FBRSL1: variants seen among roughly 807,000 people sequenced by gnomAD.
FBRSL1 encodes the protein fibrosin-1-like protein.
Under a neutral mutation model 89.6 loss-of-function variants are expected in FBRSL1, and 51 were observed. The ratio of observed to expected loss-of-function variants is 0.57; its 90% confidence interval spans 0.45 to 0.72. The LOEUF (loss-of-function observed/expected upper bound fraction) is 0.72. Among genes scored for constraint, FBRSL1 ranks in the 30% least tolerant of loss-of-function variants. FBRSL1 has a pLI of 0.00. For missense variants in FBRSL1, 1,618 were observed against 1,451.8 expected (o/e 1.11, Z -1.86); for synonymous variants, 779 against 681.1 (o/e 1.14, Z -2.24).
At chr12:132,576,196 C>CTTTTTTTTTTTTTTTTTTTT (rs916746441) in intron 14 of FBRSL1, among the ~76,000 whole-genome samples, 1 of 125,010 alleles carries the variant, frequency 8.0e-6, no homozygotes, top group Non-Finnish European at 1.7e-5. Context: ...TTTTCAGTTT[C>CTTTTTTTTTTTTTTTTTTTT]TTTTTTTTTT....
intron 1 of FBRSL1, among the ~76,000 whole-genome samples, chr12:132,500,448 C>T (rs1299765115): frequency 1.3e-5 from 2 of 152,158 alleles, no homozygotes; most frequent in Non-Finnish European, 1.5e-5. Flanking sequence ...CCCTCTCTGG[C>T]CTGGGCTCAT....
intron 15 of FBRSL1, chr12:132,580,945 T>C (rs766626164): frequency 9.5e-5 from 94 of 984,550 alleles, no homozygotes; most frequent in Non-Finnish European, 1.0e-4. Flanking sequence ...GACGTGGTGC[T>C]GTGGGCTGGG....
chr12:132,531,482 G>A (rs2036273507), intron 4 of FBRSL1, among the ~76,000 whole-genome samples: 1 of 152,116 alleles, frequency 6.6e-6, no homozygotes, highest in Admixed American at 6.5e-5. Flanking sequence ...CCGTGTGGTG[G>A]GCTGCATGGG....
chr12:132,517,017 C>T (rs1041531681), intron 2 of FBRSL1, among the ~76,000 whole-genome samples: 1 of 152,256 alleles, frequency 6.6e-6, no homozygotes, highest in Non-Finnish European at 1.5e-5. Context: ...CTCCCGCCTC[C>T]TGGGCCCAGC....
chr12:132,582,587 G>A (rs963396974), intron 18 of FBRSL1, among the ~76,000 whole-genome samples: 8 of 151,842 alleles, frequency 5.3e-5, no homozygotes, highest in African/African-American at 1.9e-4. Flanking sequence ...TGAGGAGGGT[G>A]AAGACCCCAC....
chr12:132,532,469 G>A (rs529938107), intron 4 of FBRSL1, among the ~76,000 whole-genome samples: 1 of 152,276 alleles, frequency 6.6e-6, no homozygotes, highest in East Asian at 1.9e-4. Flanking sequence ...TCTGCCCCCA[G>A]TAGCACCCAC....
chr12:132,561,305 C>T (rs2039104064), intron 5 of FBRSL1, among the ~76,000 whole-genome samples: 1 of 152,220 alleles, frequency 6.6e-6, no homozygotes, highest in Non-Finnish European at 1.5e-5. Flanking sequence ...TGCGGAAGAC[C>T]CTCCCCTTCC....
intron 1 of FBRSL1, among the ~76,000 whole-genome samples, chr12:132,503,374 G>C (rs887918343): frequency 1.3e-5 from 2 of 152,254 alleles, no homozygotes; most frequent in Non-Finnish European, 2.9e-5. Flanking sequence ...TGTCAGTGAG[G>C]CTTGCCGGGG....
Position 132,583,911 on chromosome 12 carries a change from G to C in FBRSL1, c.*133G>C, listed in dbSNP as rs1256969865. ...CTCCACCCGCAGCCTGCGGAGGCGG[G>C]GACTTGGGTGTCGGCTTTTCTGAGG... On this transcript the variant is annotated 3_prime_UTR_variant, in exon 19 of 19. Transcript: ENST00000680143. The C allele has an allele frequency of 2.7e-6, 1 of 364,428 alleles. No homozygotes were observed. Among genetic ancestry groups the C allele is most frequent in the Non-Finnish European group, 4.4e-6 (1 of 226,278 alleles). 22.6% of individuals were successfully genotyped at this position (364,428 alleles called of 1,614,324 possible).
intron 1 of FBRSL1, among the ~76,000 whole-genome samples, chr12:132,494,188 C>T (rs1422721371): frequency 6.6e-6 from 1 of 152,184 alleles, no homozygotes; most frequent in Admixed American, 6.5e-5. Flanking sequence ...GAACGTGGCT[C>T]TTGCTGTCCC....
chr12:132,518,639 C>T (rs985797270), intron 2 of FBRSL1, among the ~76,000 whole-genome samples: 1 of 151,474 alleles, frequency 6.6e-6, no homozygotes, highest in Non-Finnish European at 1.5e-5. Flanking sequence ...CCCATCTACC[C>T]ATCTGTCCAT....
intron 1 of FBRSL1, among the ~76,000 whole-genome samples, chr12:132,504,478 A>G (rs775185290): frequency 2.6e-5 from 4 of 152,014 alleles, no homozygotes; most frequent in Non-Finnish European, 5.9e-5. Flanking sequence ...CCTAGCCACT[A>G]CTGGGGGTGC....
intron 4 of FBRSL1, among the ~76,000 whole-genome samples, chr12:132,534,330 G>A (rs2036539755): frequency 6.6e-6 from 1 of 152,234 alleles, no homozygotes; most frequent in Non-Finnish European, 1.5e-5. Context: ...CATCTCCATG[G>A]CATTTAGATC....
intron 18 of FBRSL1, among the ~76,000 whole-genome samples, chr12:132,582,690 G>A (rs916139177): frequency 1.3e-5 from 2 of 152,110 alleles, no homozygotes; most frequent in African/African-American, 4.8e-5. Flanking sequence ...TGCGGCTGCC[G>A]GGAGGCCCCC....
In FBRSL1 at chr12:132,570,536, G is replaced by A. The variant is rs1198996583; in HGVS notation, c.1209G>A (p.Pro403=). 3.3e-5 allele frequency: 50 copies of A among 1,506,686 alleles called. No individual in the cohort carries two copies. The highest frequency in any genetic ancestry group is 3.9e-4 in the Middle Eastern group (2 of 5,182). 93.3% of individuals were successfully genotyped at this position (1,506,686 alleles called of 1,614,324 possible). A position where few individuals can be genotyped will look rare whatever the true frequency, so the allele number is the denominator to read the frequency against. Residue 403 remains proline (P), a synonymous_variant, in exon 8 of 19, where the codon CCG becomes CCA. Coordinates refer to ENST00000680143, the MANE Select transcript of FBRSL1 (RefSeq NM_001367871.1). ...PASSLVLPGH[P]ADASLAVSFS... ...GCAGCCTGGTCCTCCCAGGACACCC[G>A]GCCGGTAGGTGTCTCGGCCACAATC... is the stretch of plus-strand genomic sequence containing the variant.
intron 15 of FBRSL1, 146 bp from the exon 16 acceptor site, chr12:132,581,293 G>T: frequency 6.6e-7 from 1 of 1,507,046 alleles, no homozygotes; most frequent in Non-Finnish European, 8.9e-7. Flanking sequence ...TACTCTGACT[G>T]GACACGCTTC....
intron 18 of FBRSL1, among the ~76,000 whole-genome samples, 187 bp downstream of exon 18, chr12:132,582,453 A>G (rs1593615473): frequency 2.0e-5 from 1 of 49,280 alleles, no homozygotes; most frequent in Non-Finnish European, 3.8e-5. Flanking sequence ...TCCTCGCCCC[A>G]CTGCTGCGCA....
In FBRSL1 at chr12:132,584,259, C is replaced by CGAA. The variant is rs1474783436; in HGVS notation, c.*483_*485dup. 6.6e-6 allele frequency: 1 copy of CGAA among 152,144 alleles called. No individual in the cohort carries two copies. The highest frequency in any genetic ancestry group is 2.4e-5 in the African/African-American group (1 of 41,504). 9.4% of individuals were successfully genotyped at this position (152,144 alleles called of 1,614,324 possible). On this transcript the variant is annotated 3_prime_UTR_variant, in exon 19 of 19. Coordinates refer to ENST00000680143, the MANE Select transcript of FBRSL1 (RefSeq NM_001367871.1). ...CTGGCCCCCCCTTGGTACTTGGAAC[C>CGAA]GAAGTTACAGATTATATTAAAATAA...
intron 4 of FBRSL1, among the ~76,000 whole-genome samples, chr12:132,534,102 G>A (rs2036524346): frequency 1.3e-5 from 2 of 152,172 alleles, no homozygotes; most frequent in Admixed American, 1.3e-4. Context: ...GTGCTGAGAG[G>A]GGCAGGGTCC....
Sources: gnomAD v4.1 joint callset for allele counts (sites outside exome capture counted in the v4.1 genomes callset) on GRCh38, gnomAD v4.1.1 for gene constraint, MANE v1.5 for transcripts, NCBI Gene and HGNC (gene_info 2026-07-23, HGNC 2026-07-21) for gene names.